Variants in PAMR1 observed in about 807,000 individuals in gnomAD.
PAMR1 encodes inactive serine protease PAMR1.
A neutral mutation model predicts 81.8 loss-of-function variants in PAMR1; 88 were observed. The ratio of observed to expected loss-of-function variants is 1.08; its 90% CI spans 0.91 to 1.28. The LOEUF (loss-of-function observed/expected upper bound fraction) is 1.28. PAMR1 is among the 50% of genes most tolerant of loss of function. PAMR1 has a pLI of 0.00. For missense variants in PAMR1, 935 were observed against 919.7 expected (o/e 1.02, Z -0.21); for synonymous variants, 336 against 345.3 (o/e 0.97, Z 0.30).
intron 4 of PAMR1, 60 bp downstream of exon 4, chr11:35,474,570 C>T (rs898184310): frequency 1.1e-6 from 1 of 943,542 alleles, no homozygotes; most frequent in Non-Finnish European, 1.6e-6. Context: ...CAAGAGCCTT[C>T]CATCCCATTT....
chr11:35,433,694 C>T (rs1049079237), intron 10 of PAMR1, among the ~76,000 whole-genome samples: 1 of 151,954 alleles, frequency 6.6e-6, no homozygotes, highest in African/African-American at 2.4e-5. Context: ...GGGGGCTTAA[C>T]AATAGATGGA....
At chr11:35,472,993 T>C (rs1485059942) in intron 4 of PAMR1, among the ~76,000 whole-genome samples, 1 of 151,382 alleles carries the variant, frequency 6.6e-6, no homozygotes, top group East Asian at 1.9e-4. Flanking sequence ...CTGGCAGGAG[T>C]GGAAGCCAGG....
chr11:35,468,915 T>C (rs1254876141), intron 5 of PAMR1, among the ~76,000 whole-genome samples: 1 of 152,238 alleles, frequency 6.6e-6, no homozygotes, highest in Non-Finnish European at 1.5e-5. Context: ...TCAACAAACC[T>C]GTCTTGAGTA....
At position 35,432,812 on chromosome 11, in the gene PAMR1, C is replaced by T; in HGVS notation, c.1707G>A (p.Lys569=). The change falls in exon 11 of 11, where the codon AAG becomes AAA. Residue 569 remains lysine, a synonymous_variant. Transcript: ENST00000619888. ...GCTGGACTCGGGTGCTGATACGGGC[C>T]TTGTCTAGGAGCTTCAGGATGGCGA... The part of the protein sequence containing the change: ...ADIAILKLLD[K]ARISTRVQPI... The T allele has an allele frequency of 6.2e-7, 1 of 1,606,880 alleles. No homozygotes were observed. The highest frequency in any genetic ancestry group is 8.5e-7 in the Non-Finnish European group (1 of 1,179,964).
At chr11:35,465,103 G>C (rs189895671) in intron 6 of PAMR1, among the ~76,000 whole-genome samples, 1 of 152,236 alleles carries the variant, frequency 6.6e-6, no homozygotes, top group African/African-American at 2.4e-5. Context: ...TGAAATTATG[G>C]CCTCTGGTTT....
intron 6 of PAMR1, among the ~76,000 whole-genome samples, chr11:35,452,271 A>G (rs896169586): frequency 6.6e-6 from 1 of 152,240 alleles, no homozygotes; most frequent in Admixed American, 6.5e-5. Context: ...ACTGAAGAGT[A>G]TTAGTAAACT....
chr11:35,436,679 C>T (rs1244795693), intron 8 of PAMR1, among the ~76,000 whole-genome samples: 1 of 152,014 alleles, frequency 6.6e-6, no homozygotes, highest in African/African-American at 2.4e-5. Flanking sequence ...CACACACACA[C>T]ACACACACAC....
upstream of PAMR1, among the ~76,000 whole-genome samples, chr11:35,528,001 C>T (rs754105133): frequency 1.3e-5 from 2 of 152,040 alleles, no homozygotes; most frequent in Non-Finnish European, 2.9e-5. Flanking sequence ...TTCCCTCTCC[C>T]CACCTCCCAG....
intron 6 of PAMR1, among the ~76,000 whole-genome samples, chr11:35,444,884 A>G (rs576466517): frequency 2.0e-5 from 3 of 152,312 alleles, no homozygotes; most frequent in East Asian, 1.9e-4. Context: ...AAGAATGTCA[A>G]TGCTAGTTTG....
chr11:35,522,684 A>G (rs1851306147), intron 1 of PAMR1, among the ~76,000 whole-genome samples: 3 of 152,308 alleles, frequency 2.0e-5, no homozygotes, highest in Admixed American at 2.0e-4. Flanking sequence ...CCTGCTTTCA[A>G]TTCTTTTGTG....
At chr11:35,511,144 T>C (rs1851065384) in intron 1 of PAMR1, among the ~76,000 whole-genome samples, 1 of 152,224 alleles carries the variant, frequency 6.6e-6, no homozygotes, top group African/African-American at 2.4e-5. Flanking sequence ...AAGAAAGCTG[T>C]CATAATCATC....
chr11:35,463,149 T>C (rs1488426114), intron 6 of PAMR1, among the ~76,000 whole-genome samples: 1 of 152,180 alleles, frequency 6.6e-6, no homozygotes, highest in Admixed American at 6.5e-5. Flanking sequence ...TTCCTAATTG[T>C]TTATTCTGAT....
intron 3 of PAMR1, among the ~76,000 whole-genome samples, chr11:35,480,072 G>GCT (rs1850358214): frequency 1.3e-5 from 2 of 152,250 alleles, no homozygotes; most frequent in East Asian, 3.9e-4. Context: ...CCCCCATGAC[G>GCT]CAGTTCCACG....
rs767255637 is a variant in PAMR1, at chr11:35,494,121, C to T, written c.225G>A (p.Glu75=). ...CTGGGTGGATCAGGCAGGAGTCACA[C>T]TCATTCTCCTCATTCCTGCAGCAAG... ...TIPCCRNEEN[E]CDSCLIHPGC... is the part of the protein sequence containing the mutation. Residue 75 remains glutamate (E), a synonymous_variant, in exon 2 of 11, where the codon GAG becomes GAA. Coordinates refer to ENST00000619888, the MANE Select transcript of PAMR1 (RefSeq NM_001001991.3). 61 of 1,614,014 alleles carry T rather than the reference C, an allele frequency of 3.8e-5. 1 individual carries two copies. The Admixed American group carries it at 1.0e-3, about 26-fold the overall frequency.
chr11:35,507,797 CTTT>C (rs71044525), intron 1 of PAMR1, among the ~76,000 whole-genome samples: 1 of 141,920 alleles, frequency 7.0e-6, no homozygotes, highest in Non-Finnish European at 1.5e-5. Flanking sequence ...CTATTGAAAT[CTTT>C]TTTTTTTTTT....
At chr11:35,477,744 C>T (rs923059743) in intron 3 of PAMR1, among the ~76,000 whole-genome samples, 8 of 152,162 alleles carry the variant, frequency 5.3e-5, no homozygotes, top group Non-Finnish European at 8.8e-5. Flanking sequence ...AGTATCAACG[C>T]TGAGTCTTTG....
chr11:35,514,539 T>A (rs2421956), intron 1 of PAMR1, among the ~76,000 whole-genome samples: 53,220 of 152,086 alleles, frequency 0.35, 9,764 homozygotes, highest in East Asian at 0.62. Flanking sequence ...AGCTTGAAGG[T>A]GCCCCCAGTT....
intron 3 of PAMR1, among the ~76,000 whole-genome samples, chr11:35,481,442 T>G (rs1850387750): frequency 6.6e-6 from 1 of 152,226 alleles, no homozygotes; most frequent in Non-Finnish European, 1.5e-5. Flanking sequence ...TAATTTGCAT[T>G]TCTCTAATAA....
At chr11:35,507,043 T>TCC (rs1850975111) in intron 1 of PAMR1, among the ~76,000 whole-genome samples, 1 of 44,362 alleles carries the variant, frequency 2.3e-5, no homozygotes, top group African/African-American at 1.0e-4. Context: ...GCCTGACTTT[T>TCC]TTTTTTTTTT....
Sources: allele counts gnomAD v4.1 joint callset (sites outside exome capture counted in the v4.1 genomes callset), GRCh38; gene constraint gnomAD v4.1.1; transcripts MANE v1.5; gene names NCBI Gene and HGNC (gene_info 2026-07-23, HGNC 2026-07-21).